Variants in CDKL3 observed in about 807,000 individuals in gnomAD.
CDKL3 encodes the protein cyclin dependent kinase like 3, also known as cyclin-dependent kinase-like 3.
A neutral mutation model predicts 69.3 loss-of-function variants in CDKL3; 65 were observed. The ratio of observed to expected loss-of-function variants is 0.94; its 90% CI spans 0.77 to 1.15. The LOEUF is 1.15. Ranked by LOEUF, CDKL3 falls within the 50% of genes most tolerant of loss-of-function variation. The pLI is 0.00. For synonymous variants in CDKL3, 202 were observed against 221.6 expected, an observed-to-expected ratio of 0.91 and a Z score of 0.79; for missense variants, 652 against 689.2, an observed-to-expected ratio of 0.95 and a Z score of 0.61.
intron 4 of CDKL3, among the ~76,000 whole-genome samples, chr5:134,329,368 A>G (rs1775175325): frequency 6.6e-6 from 1 of 152,160 alleles, no homozygotes; most frequent in African/African-American, 2.4e-5. Context: ...TGAAAAAACA[A>G]AGAGCACTGG....
intron 10 of CDKL3, among the ~76,000 whole-genome samples, 154 bp from the exon 11 acceptor site, chr5:134,304,721 C>G (rs2149430455): frequency 6.6e-6 from 1 of 151,722 alleles, no homozygotes; most frequent in Middle Eastern, 3.4e-3. Context: ...TTGAACATAT[C>G]AACAGATCAA....
downstream of CDKL3, among the ~76,000 whole-genome samples, chr5:134,285,593 C>T (rs559004970): frequency 1.3e-5 from 2 of 152,358 alleles, no homozygotes; most frequent in African/African-American, 2.4e-5. Flanking sequence ...CTGCCGCAAA[C>T]GTCTCTGACA....
chr5:134,291,166 G>A (rs1000391977), intron 8 of CDKL3, among the ~76,000 whole-genome samples: 3 of 152,170 alleles, frequency 2.0e-5, no homozygotes, highest in South Asian at 2.1e-4. Flanking sequence ...CATATGGAGT[G>A]AGGAAGAGAT....
chr5:134,325,917 C>G (rs1245915562), intron 4 of CDKL3, among the ~76,000 whole-genome samples: 1 of 145,832 alleles, frequency 6.9e-6, no homozygotes, highest in Non-Finnish European at 1.5e-5. Context: ...GCGCCCATCA[C>G]CACGCCTGGC....
upstream of CDKL3, among the ~76,000 whole-genome samples, chr5:134,370,669 T>C (rs1007901690): frequency 6.3e-4 from 96 of 152,138 alleles, no homozygotes; most frequent in African/African-American, 2.2e-3. Flanking sequence ...GCCCAGAATT[T>C]CCAATACTAG....
intron 12 of CDKL3, chr5:134,299,807 G>A: frequency 9.0e-7 from 1 of 1,116,052 alleles, no homozygotes; most frequent in Non-Finnish European, 1.3e-6. Context: ...CTTTGGCTAA[G>A]GAAATACAGC....
Position 134,304,391 on chromosome 5 carries a change from C to A in CDKL3, c.1621+14G>T. On this transcript the variant is annotated intron_variant, in intron 11 of 12. Coordinates refer to ENST00000265334, the MANE Select transcript of CDKL3 (RefSeq NM_001113575.2). ...ATATCATCATAATTGTAAAGCTATG[C>A]AACAAATGTGTACCTTCCATTCCTT... The A allele has an allele frequency of 6.3e-7, 1 of 1,584,242 alleles. No individual in the cohort carries two copies. Among genetic ancestry groups the A allele is most frequent in the Non-Finnish European group, 8.6e-7 (1 of 1,163,122 alleles).
chr5:134,298,939 T>A (rs940049826), intron 12 of CDKL3, among the ~76,000 whole-genome samples: 1 of 152,122 alleles, frequency 6.6e-6, no homozygotes, highest in Admixed American at 6.6e-5. Context: ...AGTGGCGTGA[T>A]CTCGGCTCAC....
At position 134,308,236 on chromosome 5, in the gene CDKL3, T is replaced by C; in HGVS notation, c.1266A>G (p.Pro422=). 1 of 1,613,970 alleles carries C rather than the reference T, an allele frequency of 6.2e-7. No individual in the cohort carries two copies. The highest frequency in any genetic ancestry group is 2.2e-5 in the East Asian group (1 of 44,872). ...STNCNGLKEN[P]HCGGSVTMPP... ...GCATTGTCACAGAACCTCCGCAATG[T>C]GGATTTTCTTTCAAGCCATTACAGT... The change falls in exon 9 of 13, where the codon CCA becomes CCG. Residue 422 remains proline, a synonymous_variant. Coordinates refer to ENST00000265334, the MANE Select transcript of CDKL3 (RefSeq NM_001113575.2).
At chr5:134,348,655 A>C (rs1253195744) in intron 4 of CDKL3, among the ~76,000 whole-genome samples, 2 of 152,304 alleles carry the variant, frequency 1.3e-5, no homozygotes, top group East Asian at 3.9e-4. Context: ...AATGTACTAA[A>C]AGATGTCAAC....
intron 4 of CDKL3, among the ~76,000 whole-genome samples, chr5:134,347,861 C>T (rs1055355475): frequency 1.3e-5 from 2 of 151,912 alleles, no homozygotes; most frequent in African/African-American, 2.4e-5. Context: ...TTTATCTAGG[C>T]CTGGAAGGGT....
chr5:134,320,313 A>G (rs1029647984), intron 5 of CDKL3, among the ~76,000 whole-genome samples: 1 of 152,150 alleles, frequency 6.6e-6, no homozygotes, highest in Admixed American at 6.5e-5. Context: ...CCTCATCCAC[A>G]AATAATAAAA....
downstream of CDKL3, among the ~76,000 whole-genome samples, chr5:134,295,011 C>CTTTTTTTTT (rs869256167): frequency 9.0e-5 from 9 of 100,422 alleles, no homozygotes; most frequent in East Asian, 2.9e-4. Context: ...ATTTTTTTTT[C>CTTTTTTTTT]TTTTTTTTTT....
chr5:134,363,103 C>T (rs1159416796), intron 2 of CDKL3, among the ~76,000 whole-genome samples: 3 of 152,000 alleles, frequency 2.0e-5, no homozygotes, highest in Admixed American at 6.6e-5. Flanking sequence ...AATTTAAGTG[C>T]AACAGTTGAA....
chr5:134,368,404 G>A (rs1203980474), upstream of CDKL3, among the ~76,000 whole-genome samples: 1 of 152,094 alleles, frequency 6.6e-6, no homozygotes, highest in Admixed American at 6.5e-5. Context: ...GGATCACGAG[G>A]TCAGGAGATC....
At chr5:134,304,374 A>G (rs1767182413) in intron 11 of CDKL3, 31 bp downstream of exon 11, 10 of 1,515,320 alleles carry the variant, frequency 6.6e-6, no homozygotes, top group Non-Finnish European at 8.9e-6. Context: ...TGATATCATC[A>G]TAATTGTAAA....
chr5:134,366,892 G>A, intron 1 of CDKL3, 85 bp downstream of exon 1: 2 of 1,001,218 alleles, frequency 2.0e-6, no homozygotes, highest in Non-Finnish European at 2.4e-6. Context: ...CCGCACTACT[G>A]CAGTCGCCCA....
In CDKL3 at chr5:134,364,200, C is replaced by A. The variant is rs112947366; in HGVS notation, c.165+2159G>T. On this transcript the variant is annotated intron_variant, in intron 2 of 12. Transcript: ENST00000265334. Reference sequence around the variant, plus strand: ...TTTTTAAAATCATTAATTTTCTACCCCAACCCTAAGGAATGTTAATGCTCC... The same window carrying A: ...TTTTTAAAATCATTAATTTTCTACCACAACCCTAAGGAATGTTAATGCTCC... Among the ~76,000 whole-genome samples the A allele has an allele frequency of 9.7e-3, 1,477 of 152,082 alleles. 13 individuals are homozygous for A. The highest frequency in any genetic ancestry group is 0.032 in the African/African-American group (1,311 of 41,460).
chr5:134,351,567 T>C (rs910983879), intron 3 of CDKL3, among the ~76,000 whole-genome samples: 2 of 152,070 alleles, frequency 1.3e-5, no homozygotes, highest in Non-Finnish European at 2.9e-5. Flanking sequence ...CCTGAGTAGC[T>C]AGGACTATAA....
Sources: allele counts gnomAD v4.1 joint callset (sites outside exome capture counted in the v4.1 genomes callset), GRCh38; gene constraint gnomAD v4.1.1; transcripts MANE v1.5; gene names NCBI Gene and HGNC (gene_info 2026-07-23, HGNC 2026-07-21).